Variants in NEIL3 observed in about 807,000 individuals in gnomAD.
NEIL3 encodes nei like DNA glycosylase 3, also known as endonuclease 8-like 3.
Under a neutral mutation model 57.5 loss-of-function variants are expected in NEIL3, and 48 were observed. The ratio of observed to expected loss-of-function variants is 0.83; its 90% CI spans 0.66 to 1.06. NEIL3 has a LOEUF of 1.06. Among genes scored for constraint, NEIL3 ranks in the 50% least tolerant of loss-of-function variants. NEIL3 has a pLI of 0.00. For synonymous variants in NEIL3, 261 were observed against 253.2 expected (o/e 1.03, Z -0.29); for missense variants, 717 against 739.1 (o/e 0.97, Z 0.35).
chr4:177,366,247 TATC>T (rs1735691171), downstream of NEIL3, among the ~76,000 whole-genome samples: 1 of 152,250 alleles, frequency 6.6e-6, no homozygotes, highest in African/African-American at 2.4e-5. Context: ...GTGACAACTA[TATC>T]ATCAAGGATG....
At chr4:177,352,545 G>T (rs1048481287) in intron 7 of NEIL3, among the ~76,000 whole-genome samples, 1 of 152,024 alleles carries the variant, frequency 6.6e-6, no homozygotes, top group African/African-American at 2.4e-5. Flanking sequence ...TAGATGTTAA[G>T]TCTGGCCAGT....
At chr4:177,315,023 C>T (rs377367988) in intron 1 of NEIL3, among the ~76,000 whole-genome samples, 1 of 144,910 alleles carries the variant, frequency 6.9e-6, no homozygotes, top group African/African-American at 2.6e-5. Flanking sequence ...GAGCCGAGAT[C>T]GCGCCACTGC....
chr4:177,336,978 G>A (rs1265407678), intron 4 of NEIL3, among the ~76,000 whole-genome samples: 1 of 152,128 alleles, frequency 6.6e-6, no homozygotes, highest in Non-Finnish European at 1.5e-5. Flanking sequence ...ACATAGGCCG[G>A]AGTGAAGGGA....
intron 1 of NEIL3, among the ~76,000 whole-genome samples, chr4:177,321,808 T>A (rs964320714): frequency 6.6e-6 from 1 of 152,180 alleles, no homozygotes; most frequent in Admixed American, 6.5e-5. Context: ...TCTGATCTCC[T>A]GCACCCTCAC....
chr4:177,353,220 A>G, intron 7 of NEIL3, 88 bp from the exon 8 acceptor site: 1 of 1,176,726 alleles, frequency 8.5e-7, no homozygotes, highest in African/African-American at 1.6e-5. Context: ...AAGTGAAGTA[A>G]ATTTTTTAAT....
intron 4 of NEIL3, 126 bp downstream of exon 4, chr4:177,336,447 T>A: frequency 2.8e-6 from 2 of 722,028 alleles, no homozygotes; most frequent in Non-Finnish European, 4.5e-6. Context: ...CCGCTTCCCA[T>A]TTCTACCCAG....
intron 6 of NEIL3, among the ~76,000 whole-genome samples, chr4:177,349,200 G>A (rs72702975): frequency 0.13 from 19,641 of 151,744 alleles, 1,623 homozygotes; most frequent in East Asian, 0.25. Flanking sequence ...CATGAATTTT[G>A]TCTGTATTCA....
intron 6 of NEIL3, among the ~76,000 whole-genome samples, chr4:177,344,584 G>C (rs1319161693): frequency 6.6e-6 from 1 of 151,084 alleles, no homozygotes; most frequent in Non-Finnish European, 1.5e-5. Context: ...TTGGAGTCTC[G>C]GAGTCTCACT....
At chr4:177,329,804 G>A (rs1360511422) in intron 2 of NEIL3, among the ~76,000 whole-genome samples, 1 of 152,068 alleles carries the variant, frequency 6.6e-6, no homozygotes. Flanking sequence ...ACCAGATTAT[G>A]GACAGCAAAA....
chr4:177,324,169 T>G (rs2111119164), intron 2 of NEIL3, among the ~76,000 whole-genome samples: 1 of 152,300 alleles, frequency 6.6e-6, no homozygotes, highest in East Asian at 1.9e-4. Context: ...ATGTGATCTT[T>G]TTGTGAGGCT....
intron 6 of NEIL3, among the ~76,000 whole-genome samples, chr4:177,348,891 G>A (rs754017070): frequency 9.6e-5 from 6 of 62,440 alleles, no homozygotes; most frequent in African/African-American, 1.3e-4. Flanking sequence ...TTTTTGACAC[G>A]GAGTCTCGCT....
At chr4:177,326,676 C>A (rs2111121487) in intron 2 of NEIL3, among the ~76,000 whole-genome samples, 1 of 152,192 alleles carries the variant, frequency 6.6e-6, no homozygotes, top group African/African-American at 2.4e-5. Context: ...TTGTCTTCCA[C>A]TCCATGAACA....
Position 177,351,400 on chromosome 4 carries a change from C to G in NEIL3, c.890C>G (p.Thr297Ser), listed in dbSNP as rs1389986836. 4 of 1,610,790 alleles carry G rather than the reference C, an allele frequency of 2.5e-6. No individual in the cohort carries two copies. The highest frequency in any genetic ancestry group is 3.4e-6 in the Non-Finnish European group (4 of 1,178,884). ...TATAGCAAGCTACCGACTAGAAATACTATAATCAGTTGGACATCTAGCAGG... is the reference window on the plus strand; with the variant it reads ...TATAGCAAGCTACCGACTAGAAATAGTATAATCAGTTGGACATCTAGCAGG... ...VDICKLPTRN[T>S]IISWTSSRVD... Residue 297 changes from threonine (T) to serine (S), a missense_variant, in exon 7 of 10, where the codon ACT (threonine) becomes AGT (serine). Thr to Ser is a moderately conservative substitution (Grantham distance 58). Coordinates refer to ENST00000264596, the MANE Select transcript of NEIL3 (RefSeq NM_018248.3).
At chr4:177,322,605 CT>C (rs1328145774) in intron 2 of NEIL3, 25 bp downstream of exon 2, 1 of 1,613,084 alleles carries the variant, frequency 6.2e-7, no homozygotes, top group African/African-American at 1.3e-5. Context: ...TACGATACAT[CT>C]TATCTCTCTA....
chr4:177,336,491 G>A (rs915611651), intron 4 of NEIL3, among the ~76,000 whole-genome samples, 170 bp downstream of exon 4: 2 of 151,994 alleles, frequency 1.3e-5, no homozygotes, highest in East Asian at 1.9e-4. Flanking sequence ...TCCTACCACC[G>A]CACTTGCACT....
chr4:177,337,075 G>T (rs1734992616), intron 4 of NEIL3, among the ~76,000 whole-genome samples: 1 of 151,088 alleles, frequency 6.6e-6, no homozygotes, highest in African/African-American at 2.4e-5. Flanking sequence ...GCAGAGACTT[G>T]AACTTATTTA....
the NEIL3 span, among the ~76,000 whole-genome samples, chr4:177,369,931 C>T: frequency 7.2e-5 from 11 of 152,292 alleles, no homozygotes; most frequent in African/African-American, 2.6e-4. Flanking sequence ...AGCCCTGCTA[C>T]TGTTATGTGT....
downstream of NEIL3, among the ~76,000 whole-genome samples, chr4:177,366,955 G>A (rs972610840): frequency 8.5e-5 from 13 of 152,166 alleles, no homozygotes; most frequent in South Asian, 6.2e-4. Flanking sequence ...TTTTATTTCA[G>A]TTATTATATT....
At chr4:177,341,921 G>A (rs1365641324) in intron 6 of NEIL3, among the ~76,000 whole-genome samples, 1 of 149,486 alleles carries the variant, frequency 6.7e-6, no homozygotes, top group Non-Finnish European at 1.5e-5. Flanking sequence ...TGAGTACCAG[G>A]AGATGTCAAT....
Sources: gnomAD v4.1 joint callset for allele counts (sites outside exome capture counted in the v4.1 genomes callset) on GRCh38, gnomAD v4.1.1 for gene constraint, MANE v1.5 for transcripts, NCBI Gene and HGNC (gene_info 2026-07-23, HGNC 2026-07-21) for gene names.